PDE4B: variants seen among roughly 807,000 people sequenced by gnomAD.
PDE4B encodes the protein 3',5'-cyclic-AMP phosphodiesterase 4B.
A neutral mutation model predicts 82.2 loss-of-function variants in PDE4B; 20 were observed. The ratio of observed to expected loss-of-function variants is 0.24; its 90% CI spans 0.17 to 0.35. The LOEUF is 0.35. PDE4B is among the 10% of genes least tolerant of loss of function. The probability of loss-of-function intolerance (pLI) is 1.00; values close to 1 mark genes in which losing one functional copy is unlikely to be tolerated. For synonymous variants in PDE4B, 320 were observed against 318.9 expected (o/e 1.00, Z -0.04); for missense variants, 655 against 907.2 (o/e 0.72, Z 3.57).
At chr1:66,329,107 T>A (rs1363823611) in intron 7 of PDE4B, among the ~76,000 whole-genome samples, 2 of 152,156 alleles carry the variant, frequency 1.3e-5, no homozygotes, top group Non-Finnish European at 2.9e-5. Flanking sequence ...CAGCTGCTGG[T>A]GAGCTATGTG....
chr1:66,369,084 C>A, intron 16 of PDE4B, 115 bp downstream of exon 16: 1 of 733,550 alleles, frequency 1.4e-6, no homozygotes, highest in Non-Finnish European at 2.1e-6. Context: ...AATAAGGAGA[C>A]AACTACGCAT....
chr1:65,864,997 A>G (rs915684504), intron 1 of PDE4B, among the ~76,000 whole-genome samples: 1 of 152,150 alleles, frequency 6.6e-6, no homozygotes, highest in African/African-American at 2.4e-5. Context: ...CCCTTCCCCC[A>G]GGAGCCATGT....
chr1:65,910,329 T>G (rs966861876), intron 1 of PDE4B, among the ~76,000 whole-genome samples: 2 of 152,180 alleles, frequency 1.3e-5, no homozygotes, highest in African/African-American at 4.8e-5. Flanking sequence ...CTTGCCGACC[T>G]TTTCTCAAAG....
At chr1:66,303,040 A>G (rs963010987) in intron 7 of PDE4B, among the ~76,000 whole-genome samples, 2 of 152,110 alleles carry the variant, frequency 1.3e-5, no homozygotes, top group African/African-American at 4.8e-5. Context: ...CTCTAATTCA[A>G]TTGCCTGTGT....
intron 3 of PDE4B, among the ~76,000 whole-genome samples, chr1:65,921,787 A>G (rs753397846): frequency 1.3e-5 from 2 of 152,210 alleles, no homozygotes; most frequent in African/African-American, 4.8e-5. Flanking sequence ...TTTCTAGGCT[A>G]GTAAAGATCT....
intron 3 of PDE4B, among the ~76,000 whole-genome samples, chr1:66,007,025 C>T (rs887678287): frequency 6.6e-6 from 1 of 152,054 alleles, no homozygotes; most frequent in Admixed American, 6.6e-5. Context: ...GCAAGCTACT[C>T]TTGAGGCTGA....
At chr1:66,232,181 A>G (rs565887144) in intron 3 of PDE4B, among the ~76,000 whole-genome samples, 3 of 152,354 alleles carry the variant, frequency 2.0e-5, no homozygotes, top group Non-Finnish European at 4.4e-5. Flanking sequence ...CCTCAGATGC[A>G]AGATCAATGC....
chr1:65,921,113 C>A (rs1184555113), intron 3 of PDE4B, among the ~76,000 whole-genome samples: 2 of 150,312 alleles, frequency 1.3e-5, no homozygotes, highest in African/African-American at 2.4e-5. Context: ...GGACTACAGG[C>A]GCCTGCCACT....
At chr1:66,006,532 G>T (rs1388373864) in intron 3 of PDE4B, among the ~76,000 whole-genome samples, 1 of 151,982 alleles carries the variant, frequency 6.6e-6, no homozygotes, top group Admixed American at 6.6e-5. Flanking sequence ...AATTGCTTGA[G>T]GCCAGAAGTT....
chr1:65,949,687 C>T (rs1648893936), intron 3 of PDE4B, among the ~76,000 whole-genome samples: 1 of 152,016 alleles, frequency 6.6e-6, no homozygotes, highest in Non-Finnish European at 1.5e-5. Flanking sequence ...AATTATGAAC[C>T]AAGAGAGGAA....
In PDE4B at chr1:66,215,241, C is replaced by A. The variant is rs1287133650; in HGVS notation, c.282-32219C>A. On this transcript the variant is annotated intron_variant, in intron 3 of 16. Transcript: ENST00000341517. The stretch of plus-strand genomic sequence containing the variant: ...AGGTTTTAGCATTAGCCAATGCTAG[C>A]AAATATTTTCACTGTAGAAGCATAT... 2.6e-5 allele frequency among the ~76,000 whole-genome samples: 4 copies of A among 152,114 alleles called. No individual in the cohort carries two copies. In the South Asian group the frequency reaches 8.3e-4, roughly 32 times the overall value.
chr1:65,828,763 A>C (rs1195666885), intron 1 of PDE4B, among the ~76,000 whole-genome samples: 1 of 152,198 alleles, frequency 6.6e-6, no homozygotes, highest in African/African-American at 2.4e-5. Flanking sequence ...AAAATATGTA[A>C]TTATAACCCC....
intron 7 of PDE4B, among the ~76,000 whole-genome samples, chr1:66,321,037 A>G (rs998046816): frequency 6.6e-6 from 1 of 152,166 alleles, no homozygotes; most frequent in Non-Finnish European, 1.5e-5. Flanking sequence ...CATTTAAACC[A>G]TCCAACTAGT....
At chr1:66,356,165 G>A (rs1165300077) in intron 9 of PDE4B, among the ~76,000 whole-genome samples, 1 of 152,162 alleles carries the variant, frequency 6.6e-6, no homozygotes, top group East Asian at 1.9e-4. Flanking sequence ...ATGGTAAGGG[G>A]GAGAATTTTA....
intron 6 of PDE4B, among the ~76,000 whole-genome samples, chr1:66,263,097 C>T (rs1046709334): frequency 6.6e-6 from 1 of 152,206 alleles, no homozygotes; most frequent in Non-Finnish European, 1.5e-5. Context: ...TGCCAGATCC[C>T]TGTGTTACAG....
At chr1:65,872,287 G>A (rs1330477654) in intron 1 of PDE4B, among the ~76,000 whole-genome samples, 1 of 152,060 alleles carries the variant, frequency 6.6e-6, no homozygotes, top group African/African-American at 2.4e-5. Flanking sequence ...AAAATTACAT[G>A]TGCAATTTAT....
chr1:65,819,305 C>A (rs1645923341), intron 1 of PDE4B, among the ~76,000 whole-genome samples: 1 of 151,876 alleles, frequency 6.6e-6, no homozygotes, highest in Non-Finnish European at 1.5e-5. Context: ...TATCCAATAC[C>A]CTATGCCTGA....
intron 3 of PDE4B, among the ~76,000 whole-genome samples, chr1:66,065,416 A>G (rs908101310): frequency 3.3e-5 from 5 of 151,978 alleles, no homozygotes; most frequent in African/African-American, 1.2e-4. Context: ...TCAATTTAGA[A>G]TAACTTATGG....
intron 1 of PDE4B, among the ~76,000 whole-genome samples, chr1:65,867,180 T>C (rs761196278): frequency 6.6e-6 from 1 of 152,094 alleles, no homozygotes; most frequent in Non-Finnish European, 1.5e-5. Flanking sequence ...TTTCCTATAA[T>C]AAAAATTTTA....
Sources: allele counts gnomAD v4.1 joint callset (sites outside exome capture counted in the v4.1 genomes callset), GRCh38; gene constraint gnomAD v4.1.1; transcripts MANE v1.5; gene names NCBI Gene and HGNC (gene_info 2026-07-23, HGNC 2026-07-21).